The following ARFGEF3 variants were observed in gnomAD, a reference collection of about 807,000 sequenced individuals.
ARFGEF3 encodes the protein brefeldin A-inhibited guanine nucleotide-exchange protein 3.
Under a neutral mutation model 221.7 loss-of-function variants are expected in ARFGEF3, and 96 were observed. The ratio of observed to expected loss-of-function variants is 0.43; its 90% CI spans 0.37 to 0.51. The LOEUF (loss-of-function observed/expected upper bound fraction) is 0.51. Among genes scored for constraint, ARFGEF3 ranks in the 20% least tolerant of loss-of-function variants. The pLI is 0.00. For synonymous variants in ARFGEF3, 1,145 were observed against 1,126.8 expected (o/e 1.02, Z -0.32); for missense variants, 2,410 against 2,789.9 (o/e 0.86, Z 3.07).
At chr6:138,286,085 C>G in intron 15 of ARFGEF3, 32 bp downstream of exon 15, 6 of 1,140,614 alleles carry the variant, frequency 5.3e-6, no homozygotes, top group Non-Finnish European at 7.9e-6. Flanking sequence ...TTATGAACAT[C>G]CATACACTGC....
intron 4 of ARFGEF3, 94 bp from the exon 5 acceptor site, chr6:138,229,688 CAT>C: frequency 8.7e-6 from 8 of 916,128 alleles, no homozygotes; most frequent in Middle Eastern, 2.1e-4. Context: ...GCAAAGGAAT[CAT>C]AAAAACAGGA....
At chr6:138,298,550 A>G (rs1366973707) in intron 21 of ARFGEF3, 56 bp from the exon 22 acceptor site, 1 of 1,468,548 alleles carries the variant, frequency 6.8e-7, no homozygotes, top group African/African-American at 1.4e-5. Context: ...GCCTTCAGAA[A>G]CCATTCTCAC....
intron 2 of ARFGEF3, among the ~76,000 whole-genome samples, chr6:138,201,094 A>C (rs1257395044): frequency 1.3e-5 from 2 of 152,234 alleles, no homozygotes; most frequent in Non-Finnish European, 2.9e-5. Flanking sequence ...CTAATCAAGG[A>C]AATGCAAATC....
intron 20 of ARFGEF3, among the ~76,000 whole-genome samples, chr6:138,296,216 G>A (rs4896340): frequency 0.35 from 53,286 of 152,004 alleles, 9,873 homozygotes; most frequent in East Asian, 0.64. Flanking sequence ...TGAGCAGCAG[G>A]GGGACCAGGC....
chr6:138,183,745 T>C (rs1252691258), intron 2 of ARFGEF3, among the ~76,000 whole-genome samples: 1 of 152,192 alleles, frequency 6.6e-6, no homozygotes, highest in East Asian at 1.9e-4. Flanking sequence ...CTCCTACATA[T>C]GCCTTTTGGG....
At chr6:138,301,548 G>A (rs1343476354) in intron 22 of ARFGEF3, among the ~76,000 whole-genome samples, 2 of 152,158 alleles carry the variant, frequency 1.3e-5, no homozygotes, top group African/African-American at 4.8e-5. Context: ...CCTCAATCTT[G>A]CTTGCCTAAA....
rs1562214851 is a variant in ARFGEF3 at position 138,319,889 on chromosome 6, G to A, written c.4651+10G>A. ...AGCTTTCTACATTCAGGTATCTGAA[G>A]TGCCAGAGCAGTTCATTCTGGGTAT... On this transcript the variant is annotated intron_variant, in intron 28 of 33. Coordinates refer to ENST00000251691, the MANE Select transcript of ARFGEF3 (RefSeq NM_020340.5). 6.2e-7 allele frequency: 1 copy of A among 1,612,332 alleles called. No individual in the cohort carries two copies. Among genetic ancestry groups the A allele is most frequent in the Non-Finnish European group, 8.5e-7 (1 of 1,178,768 alleles).
chr6:138,323,635 C>CAAA (rs370204274), intron 29 of ARFGEF3, 36 bp from the exon 30 acceptor site: 4 of 1,273,872 alleles, frequency 3.1e-6, no homozygotes, highest in Non-Finnish European at 4.3e-6. Flanking sequence ...ACAACAACAA[C>CAAA]AAAAAAAAAA....
At chr6:138,297,797 C>T (rs1041151486) in intron 21 of ARFGEF3, among the ~76,000 whole-genome samples, 4 of 152,152 alleles carry the variant, frequency 2.6e-5, no homozygotes, top group African/African-American at 9.7e-5. Context: ...AGGTAGGCTT[C>T]TCTGGGTAGT....
At position 138,337,479 on chromosome 6, in the gene ARFGEF3, CAG is replaced by C. The variant is rs1055156172; in HGVS notation, c.*994_*995del. On this transcript the variant is annotated 3_prime_UTR_variant, in exon 34 of 34. Transcript: ENST00000251691. ...TCAACACGCTTGGAGGAAAGGGACTCAGGGAAGGGAGCAGGGAGTGTGGGGTG... is the reference window on the plus strand; with the variant it reads ...TCAACACGCTTGGAGGAAAGGGACTCGGAAGGGAGCAGGGAGTGTGGGGTG... 1.3e-5 allele frequency: 2 copies of C among 152,576 alleles called. No homozygotes were observed. The highest frequency in any genetic ancestry group is 2.4e-5 in the African/African-American group (1 of 41,404). The allele number at this position is 152,576 out of a possible 1,614,324, so 9.5% of individuals were successfully genotyped here. A position where few individuals can be genotyped will look rare whatever the true frequency, so the allele number is the denominator to read the frequency against.
intron 12 of ARFGEF3, among the ~76,000 whole-genome samples, chr6:138,275,778 A>G (rs1185270427): frequency 1.3e-5 from 2 of 152,074 alleles, no homozygotes; most frequent in Admixed American, 1.3e-4. Flanking sequence ...CAGGGACAAC[A>G]TCACTGGATA....
chr6:138,280,592 T>C (rs1352396855), intron 14 of ARFGEF3, among the ~76,000 whole-genome samples: 3 of 152,244 alleles, frequency 2.0e-5, no homozygotes, highest in Non-Finnish European at 4.4e-5. Context: ...GGCTCATGCC[T>C]ATAATCCTAG....
chr6:138,229,559 T>C (rs894639342), intron 4 of ARFGEF3, among the ~76,000 whole-genome samples: 2 of 152,220 alleles, frequency 1.3e-5, no homozygotes, highest in East Asian at 1.9e-4. Context: ...GCCCTTTCCA[T>C]GGGGAGAGAT....
chr6:138,306,748 A>C (rs1290343496), intron 22 of ARFGEF3, among the ~76,000 whole-genome samples: 1 of 149,644 alleles, frequency 6.7e-6, no homozygotes, highest in African/African-American at 2.5e-5. Context: ...AAATAAACTT[A>C]CACCTTTACC....
chr6:138,209,009 A>G (rs1331451477), intron 3 of ARFGEF3, among the ~76,000 whole-genome samples: 2 of 152,146 alleles, frequency 1.3e-5, no homozygotes, highest in Non-Finnish European at 2.9e-5. Flanking sequence ...TCTGAAAAAG[A>G]ATTTTATGAA....
chr6:138,205,977 G>GTGT (rs1423804410), intron 2 of ARFGEF3, among the ~76,000 whole-genome samples: 1 of 152,208 alleles, frequency 6.6e-6, no homozygotes, highest in African/African-American at 2.4e-5. Flanking sequence ...GTATTTCATT[G>GTGT]TGTTCTACAG....
rs1305981210 is a variant in ARFGEF3 at position 138,292,032 on chromosome 6, C to T, written c.3347C>T (p.Thr1116Ile). 1.4e-6 allele frequency: 2 copies of T among 1,474,080 alleles called. No homozygotes were observed. Among genetic ancestry groups the T allele is most frequent in the Non-Finnish European group, 1.8e-6 (2 of 1,116,224 alleles). The allele number at this position is 1,474,080 out of a possible 1,614,324, so 91.3% of individuals were successfully genotyped here. A position where few individuals can be genotyped will look rare whatever the true frequency, so the allele number is the denominator to read the frequency against. Residue 1116 changes from threonine (T) to isoleucine (I), a missense_variant, in exon 19 of 34, where the codon ACC (threonine) becomes ATC (isoleucine). Physicochemically the swap from Thr to Ile is moderately conservative, Grantham distance 89. Around this residue, in one of 5 missense-constraint regions of ARFGEF3, gnomAD observed 184 missense variants for 141.8 expected, o/e 1.30. Transcript: ENST00000251691. ...AGCAGCGCGGCCAAGGTGGTGCTCA[C>T]CCTCTCCACGCAAGCCGACAGGTGC... Reference protein sequence around the residue: ...SGSSAAKVVLTLSTQADRLFE... With the variant: ...SGSSAAKVVLILSTQADRLFE...
chr6:138,286,792 C>T lies in ARFGEF3; in HGVS notation c.2661C>T (p.Ser887=). 1 of 1,614,074 alleles carries T rather than the reference C, an allele frequency of 6.2e-7. No individual in the cohort carries two copies. Among genetic ancestry groups the T allele is most frequent in the Non-Finnish European group, 8.5e-7 (1 of 1,179,908 alleles). Residue 887 remains serine, a synonymous_variant, in exon 16 of 34, where the codon AGC becomes AGT. Coordinates refer to ENST00000251691, the MANE Select transcript of ARFGEF3 (RefSeq NM_020340.5). ...STPLTGRMAG[S]SKGLAFILGA... is the part of the protein sequence containing the mutation. ...CACTGACTGGTCGAATGGCGGGGAGCTCCAAAGGGCTGGCCTTCATTCTGG... is the reference window on the plus strand; with the variant it reads ...CACTGACTGGTCGAATGGCGGGGAGTTCCAAAGGGCTGGCCTTCATTCTGG...
chr6:138,218,378 C>G (rs1427810103), intron 4 of ARFGEF3: 1 of 1,541,386 alleles, frequency 6.5e-7, no homozygotes, highest in Non-Finnish European at 8.8e-7. Flanking sequence ...ATTTCTGGTT[C>G]CTTAAGAAGG....
Sources: gnomAD v4.1 joint callset for allele counts (sites outside exome capture counted in the v4.1 genomes callset) on GRCh38, gnomAD v4.1.1 for gene constraint, gnomAD v4.1.1 regional missense constraint, MANE v1.5 for transcripts, NCBI Gene and HGNC (gene_info 2026-07-23, HGNC 2026-07-21) for gene names.